KCNB2: variants seen among roughly 807,000 people sequenced by gnomAD.
KCNB2 encodes potassium voltage-gated channel subfamily B member 2.
KCNB2 carries 15 observed loss-of-function variants against 61.5 expected under a neutral mutation model. That is an observed-to-expected ratio of 0.24 (90% confidence interval 0.16 to 0.38). The LOEUF (loss-of-function observed/expected upper bound fraction) is 0.38, where lower values mean the gene tolerates loss of function less well. Ranked by LOEUF, KCNB2 falls within the 10% of genes least tolerant of loss-of-function variation. The pLI, the probability that KCNB2 is intolerant of heterozygous loss-of-function variation, is 1.00. For synonymous variants in KCNB2, 457 were observed against 446.0 expected (o/e 1.02, Z -0.31); for missense variants, 828 against 1,125.2 (o/e 0.74, Z 3.78).
intron 2 of KCNB2, among the ~76,000 whole-genome samples, chr8:72,647,692 G>A (rs1227822634): frequency 6.6e-6 from 1 of 152,088 alleles, no homozygotes; most frequent in Non-Finnish European, 1.5e-5. Context: ...AGTGGGAAGT[G>A]GGAATGAGGC....
chr8:72,764,311 G>A (rs978292788), intron 2 of KCNB2, among the ~76,000 whole-genome samples: 1 of 152,174 alleles, frequency 6.6e-6, no homozygotes, highest in African/African-American at 2.4e-5. Flanking sequence ...AACAGAATGA[G>A]GGCCTGCAGA....
chr8:72,861,303 T>C (rs1488531823), intron 2 of KCNB2, among the ~76,000 whole-genome samples: 1 of 152,216 alleles, frequency 6.6e-6, no homozygotes, highest in Non-Finnish European at 1.5e-5. Flanking sequence ...AAAACCATTA[T>C]GTCATTTGTT....
chr8:72,624,296 A>G (rs1453728750), intron 2 of KCNB2, among the ~76,000 whole-genome samples: 1 of 152,070 alleles, frequency 6.6e-6, no homozygotes, highest in South Asian at 2.1e-4. Flanking sequence ...AATTATCTAT[A>G]TGTTCAGAAA....
At chr8:72,736,172 A>AAT (rs3032011) in intron 2 of KCNB2, among the ~76,000 whole-genome samples, 125,970 of 151,868 alleles carry the variant, frequency 0.83, 52,820 homozygotes, top group East Asian at 0.96. Context: ...ACTTAATGTG[A>AAT]ATTGAAACAT....
At chr8:72,739,661 G>A (rs1432383450) in intron 2 of KCNB2, among the ~76,000 whole-genome samples, 2 of 151,956 alleles carry the variant, frequency 1.3e-5, no homozygotes, top group African/African-American at 4.8e-5. Flanking sequence ...ATAGAAGAAT[G>A]TGCTAGAAGA....
At chr8:72,672,631 G>A (rs1227834517) in intron 2 of KCNB2, among the ~76,000 whole-genome samples, 4 of 151,112 alleles carry the variant, frequency 2.6e-5, no homozygotes, top group African/African-American at 9.8e-5. Flanking sequence ...TAACAAAAGA[G>A]CTCTTTTTTT....
intron 2 of KCNB2, among the ~76,000 whole-genome samples, chr8:72,859,361 AAATAT>A (rs1261910918): frequency 4.6e-5 from 7 of 152,222 alleles, no homozygotes; most frequent in Non-Finnish European, 1.5e-5. Context: ...ATCATTATTG[AAATAT>A]AATTCACATC....
intron 1 of KCNB2, among the ~76,000 whole-genome samples, chr8:72,547,690 T>A (rs1173636613): frequency 6.6e-6 from 1 of 152,236 alleles, no homozygotes; most frequent in African/African-American, 2.4e-5. Flanking sequence ...TTGCTTCTTA[T>A]GAACGAGCAA....
At chr8:72,695,655 T>G (rs1244664010) in intron 2 of KCNB2, among the ~76,000 whole-genome samples, 1 of 152,194 alleles carries the variant, frequency 6.6e-6, no homozygotes, top group African/African-American at 2.4e-5. Context: ...GGTAGAGCCA[T>G]CAGCAAATTA....
At chr8:72,611,176 T>C (rs1174366642) in intron 2 of KCNB2, among the ~76,000 whole-genome samples, 2 of 152,328 alleles carry the variant, frequency 1.3e-5, no homozygotes, top group African/African-American at 4.8e-5. Flanking sequence ...CCTCAGAATG[T>C]TATTAGTATT....
At chr8:72,912,206 G>T (rs1806308390) in intron 2 of KCNB2, among the ~76,000 whole-genome samples, 1 of 152,106 alleles carries the variant, frequency 6.6e-6, no homozygotes, top group Admixed American at 6.6e-5. Flanking sequence ...AGTTGTGTTT[G>T]TAACAACCCA....
At chr8:72,929,170 G>A (rs756302609) in intron 2 of KCNB2, among the ~76,000 whole-genome samples, 12 of 152,124 alleles carry the variant, frequency 7.9e-5, no homozygotes, top group South Asian at 2.1e-4. Flanking sequence ...TGCAGCAAGC[G>A]GAGGTAGAAC....
chr8:72,847,831 GT>G (rs1283761790), intron 2 of KCNB2, among the ~76,000 whole-genome samples: 1 of 152,126 alleles, frequency 6.6e-6, no homozygotes, highest in African/African-American at 2.4e-5. Flanking sequence ...CTAGATGAAT[GT>G]TTTCTACATG....
intron 2 of KCNB2, among the ~76,000 whole-genome samples, chr8:72,613,257 G>GA (rs1441231480): frequency 2.6e-5 from 4 of 151,806 alleles, no homozygotes; most frequent in Admixed American, 1.3e-4. Context: ...ATCATAGCAA[G>GA]AAAAAAAACC....
Position 72,936,877 on chromosome 8 carries a change from T to C in KCNB2, c.1522T>C (p.Phe508Leu). The C allele has an allele frequency of 1.9e-6, 3 of 1,613,976 alleles. No individual in the cohort carries two copies. The highest frequency in any genetic ancestry group is 2.5e-6 in the Non-Finnish European group (3 of 1,179,978). Residue 508 changes from phenylalanine (F) to leucine (L), a missense_variant, in exon 3 of 3, where the codon TTC (phenylalanine) becomes CTC (leucine). By Grantham distance (22) the Phe-to-Leu change is conservative. Around this residue, in one of 4 missense-constraint regions of KCNB2, gnomAD observed 559 missense variants for 588.4 expected, o/e 0.95. Coordinates refer to ENST00000523207, the MANE Select transcript of KCNB2 (RefSeq NM_004770.3). This position sits in a 1 kb window ranked among gnomAD's most constrained non-coding sequence, Gnocchi z 5.6. ...ALSETSSNKSFENKYQEVSQK... is the reference protein window; with the variant it reads ...ALSETSSNKSLENKYQEVSQK... Reference sequence around the variant, plus strand: ...GTCGGAAACAAGCTCCAACAAGTCTTTCGAGAATAAGTACCAGGAGGTTAG... The same window carrying C: ...GTCGGAAACAAGCTCCAACAAGTCTCTCGAGAATAAGTACCAGGAGGTTAG...
chr8:72,816,405 A>G (rs1563393498), intron 2 of KCNB2, among the ~76,000 whole-genome samples: 1 of 152,220 alleles, frequency 6.6e-6, no homozygotes, highest in Non-Finnish European at 1.5e-5. Context: ...AATAACTGTG[A>G]AAGTTCAGAG....
chr8:72,692,874 A>G (rs187744031), intron 2 of KCNB2, among the ~76,000 whole-genome samples: 1 of 151,144 alleles, frequency 6.6e-6, no homozygotes, highest in Non-Finnish European at 1.5e-5. Flanking sequence ...ATTTTTTCCA[A>G]GAGTATGAAC....
intron 2 of KCNB2, among the ~76,000 whole-genome samples, chr8:72,921,578 T>A (rs1247669973): frequency 6.6e-6 from 1 of 152,224 alleles, no homozygotes; most frequent in African/African-American, 2.4e-5. Context: ...GTTTTAAAAA[T>A]TGGTTTTTAA....
intron 2 of KCNB2, among the ~76,000 whole-genome samples, chr8:72,922,721 C>T (rs1169973485): frequency 6.6e-6 from 1 of 152,182 alleles, no homozygotes; most frequent in Non-Finnish European, 1.5e-5. Flanking sequence ...AACACACAAA[C>T]TTTGGAGGGA....
Sources: allele counts gnomAD v4.1 joint callset (sites outside exome capture counted in the v4.1 genomes callset), GRCh38; gene constraint gnomAD v4.1.1; regional missense constraint gnomAD v4.1.1; non-coding constraint Gnocchi (gnomAD v3.1); transcripts MANE v1.5; gene names NCBI Gene and HGNC (gene_info 2026-07-23, HGNC 2026-07-21).